Variants in PCDHGB1 observed in about 807,000 individuals in gnomAD.
PCDHGB1 encodes protocadherin gamma-B1.
PCDHGB1 carries 34 observed loss-of-function variants against 56.6 expected under a neutral mutation model. The ratio of observed to expected loss-of-function variants is 0.60; its 90% CI spans 0.46 to 0.80. PCDHGB1 has a LOEUF of 0.80. Ranked by LOEUF, PCDHGB1 falls within the 30% of genes least tolerant of loss-of-function variation. The pLI, the probability that PCDHGB1 is intolerant of heterozygous loss-of-function variation, is 0.00. For missense variants in PCDHGB1, 1,278 were observed against 1,204.6 expected (o/e 1.06, Z -0.90); for synonymous variants, 561 against 505.9 (o/e 1.11, Z -1.46).
chr5:141,358,895 T>C (rs1761048848), intron 1 of PCDHGB1, among the ~76,000 whole-genome samples: 1 of 152,230 alleles, frequency 6.6e-6, no homozygotes, highest in Non-Finnish European at 1.5e-5. Flanking sequence ...GATTATTTTA[T>C]ATGAGGGAAA....
intron 1 of PCDHGB1, chr5:141,423,483 A>G (rs767321755): frequency 1.9e-6 from 3 of 1,613,974 alleles, no homozygotes; most frequent in Middle Eastern, 3.3e-4. Flanking sequence ...CTTTCCTGCA[A>G]ACCTATTCCC....
Position 141,433,359 on chromosome 5 carries a change from CTAT to C in PCDHGB1, c.2410-61447_2410-61445del, listed in dbSNP as rs2097588942. 4 of 228,708 alleles carry C rather than the reference CTAT, an allele frequency of 1.7e-5. No homozygotes were observed. In the African/African-American group the frequency reaches 3.4e-4, roughly 19 times the overall value. The allele number at this position is 228,708 out of a possible 1,614,324, so 14.2% of individuals were successfully genotyped here. ...CAGGTGCAAGCCACCTACTGTCTGC[CTAT>C]CTATCTATCTATCTATCTATCTATC... On this transcript the variant is annotated intron_variant, in intron 1 of 3. Coordinates refer to ENST00000523390, the MANE Select transcript of PCDHGB1 (RefSeq NM_018922.3).
In PCDHGB1 at chr5:141,432,716, C is replaced by G. The variant is rs1417017747; in HGVS notation, c.2410-62091C>G. ...GGCCGTCCAGGACCACGGCCAGCCC[C>G]CTCTCTCCGCCACTGTCACGCTCAC... On this transcript the variant is annotated intron_variant, in intron 1 of 3. Coordinates refer to ENST00000523390, the MANE Select transcript of PCDHGB1 (RefSeq NM_018922.3). This position sits in a 1 kb window ranked among gnomAD's most constrained non-coding sequence, Gnocchi z 6.0. 5.6e-6 allele frequency: 9 copies of G among 1,613,912 alleles called. No individual in the cohort carries two copies. Among genetic ancestry groups the G allele is most frequent in the Non-Finnish European group, 7.6e-6 (9 of 1,179,990 alleles).
Position 141,491,402 on chromosome 5 carries a change from C to T in PCDHGB1, c.2410-3405C>T. 1 of 1,614,156 alleles carries T rather than the reference C, an allele frequency of 6.2e-7. No individual in the cohort carries two copies. Among genetic ancestry groups the T allele is most frequent in the Non-Finnish European group, 8.5e-7 (1 of 1,180,022 alleles). ...TCAGCGAAGTGCCTTCAGGGAAACG[C>T]AGACGGGGACGGGGGTGGAGGGCAG... On this transcript the variant is annotated intron_variant, in intron 1 of 3. Transcript: ENST00000523390. The surrounding 1 kb of genome is among the most constrained non-coding windows in gnomAD (Gnocchi z 6.9).
intron 1 of PCDHGB1, among the ~76,000 whole-genome samples, chr5:141,387,076 G>T (rs531327789): frequency 2.8e-4 from 42 of 152,310 alleles, no homozygotes; most frequent in African/African-American, 9.4e-4. Flanking sequence ...GTAGGCTACT[G>T]CCTGTGATCA....
chr5:141,377,529 G>A (rs1774089651), intron 1 of PCDHGB1: 1 of 151,890 alleles, frequency 6.6e-6, no homozygotes, highest in African/African-American at 2.4e-5. Flanking sequence ...CCAGGGGTAT[G>A]AGGCTGCAGT....
intron 2 of PCDHGB1, among the ~76,000 whole-genome samples, chr5:141,496,103 C>T (rs779317844): frequency 2.0e-5 from 3 of 152,218 alleles, no homozygotes; most frequent in South Asian, 2.1e-4. Flanking sequence ...ACCAACACCC[C>T]GCTCTCTTCC....
intron 1 of PCDHGB1, chr5:141,399,413 C>A (rs1456440098): frequency 1.2e-6 from 2 of 1,613,930 alleles, no homozygotes; most frequent in African/African-American, 1.3e-5. Context: ...CCGCCCCTCT[C>A]CTCCAGCATA....
chr5:141,431,607 A>G lies in PCDHGB1; in HGVS notation c.2410-63200A>G. ...GCGGAAGTGAGGTATTCCTTCCGGT[A>G]TGTGGACGACAAGGCGGCCCAAGTT... is the stretch of plus-strand genomic sequence containing the variant. On this transcript the variant is annotated intron_variant, in intron 1 of 3. Transcript: ENST00000523390. The surrounding 1 kb of genome is among the most constrained non-coding windows in gnomAD (Gnocchi z 4.8). 6.2e-7 allele frequency: 1 copy of G among 1,614,230 alleles called. No individual in the cohort carries two copies. Among genetic ancestry groups the G allele is most frequent in the Non-Finnish European group, 8.5e-7 (1 of 1,180,040 alleles).
At chr5:141,358,301 A>G (rs1561516430) in intron 1 of PCDHGB1, among the ~76,000 whole-genome samples, 2 of 152,228 alleles carry the variant, frequency 1.3e-5, no homozygotes, top group South Asian at 2.1e-4. Flanking sequence ...GTAAATTCAC[A>G]TTTACAATAT....
chr5:141,407,869 A>T lies in PCDHGB1; in HGVS notation c.2409+55200A>T, dbSNP rs1031666668. ...GGATGTACACCTGCATTTTCGAAGA[A>T]TATATACATTTCGGAGACCGAATTC... On this transcript the variant is annotated intron_variant, in intron 1 of 3. Coordinates refer to ENST00000523390, the MANE Select transcript of PCDHGB1 (RefSeq NM_018922.3). Among the ~76,000 whole-genome samples, 20 of 152,262 alleles carry T rather than the reference A, an allele frequency of 1.3e-4. No homozygotes were observed. The East Asian group carries it at 1.5e-3, about 12-fold the overall frequency.
chr5:141,360,321 A>C lies in PCDHGB1; in HGVS notation c.2409+7652A>C, dbSNP rs777240773. 6 of 1,614,004 alleles carry C rather than the reference A, an allele frequency of 3.7e-6. No individual in the cohort carries two copies. In the Admixed American group the frequency reaches 8.3e-5, roughly 22 times the overall value. On this transcript the variant is annotated intron_variant, in intron 1 of 3. Coordinates refer to ENST00000523390, the MANE Select transcript of PCDHGB1 (RefSeq NM_018922.3). ...TGGGGCTCAGCGTCCGGGACTTGCC[A>C]GCCCGGAAGCTGCGGGTTAGCGCGG...
intron 2 of PCDHGB1, among the ~76,000 whole-genome samples, chr5:141,502,944 A>G (rs1447378539): frequency 1.4e-5 from 2 of 145,406 alleles, no homozygotes; most frequent in Non-Finnish European, 1.5e-5. Context: ...CCTGGGTTCA[A>G]GCGATTCTCC....
At chr5:141,418,549 C>A in intron 1 of PCDHGB1, 1 of 1,614,024 alleles carries the variant, frequency 6.2e-7, no homozygotes, top group Non-Finnish European at 8.5e-7. Context: ...AGATAAGAAT[C>A]CTGGTAATAG....
intron 1 of PCDHGB1, chr5:141,478,305 C>T (rs775282798): frequency 2.5e-6 from 4 of 1,614,092 alleles, no homozygotes; most frequent in East Asian, 2.2e-5. Flanking sequence ...TACCGAGCCC[C>T]GGTGAGCTCA....
At chr5:141,412,441 G>A (rs1334085357) in intron 1 of PCDHGB1, 2 of 152,124 alleles carry the variant, frequency 1.3e-5, no homozygotes, top group Non-Finnish European at 2.9e-5. Context: ...GTTAATTAAG[G>A]CTCAGTAAAA....
At chr5:141,504,147 T>C (rs2099836026) in intron 2 of PCDHGB1, among the ~76,000 whole-genome samples, 1 of 152,198 alleles carries the variant, frequency 6.6e-6, no homozygotes, top group South Asian at 2.1e-4. Flanking sequence ...CCCCTGCAAA[T>C]TGAAATAATT....
Position 141,487,390 on chromosome 5 carries a change from G to A in PCDHGB1, c.2410-7417G>A, listed in dbSNP as rs769886634. On this transcript the variant is annotated intron_variant, in intron 1 of 3. Coordinates refer to ENST00000523390, the MANE Select transcript of PCDHGB1 (RefSeq NM_018922.3). The surrounding 1 kb of genome is among the most constrained non-coding windows in gnomAD (Gnocchi z 5.0). The stretch of plus-strand genomic sequence containing the variant: ...GTGCCTGTCTCACCAGATCTCGAAG[G>A]AGGGAGGGGCTTCCCCCTTCCAATG... 1.2e-6 allele frequency: 2 copies of A among 1,614,182 alleles called. No homozygotes were observed. The highest frequency in any genetic ancestry group is 1.3e-5 in the African/African-American group (1 of 75,070).
At position 141,511,424 on chromosome 5, in the gene PCDHGB1, G is replaced by A. The variant is rs939906846; in HGVS notation, c.*251G>A. 10 of 810,392 alleles carry A rather than the reference G, an allele frequency of 1.2e-5. No homozygotes were observed. Among genetic ancestry groups the A allele is most frequent in the East Asian group, 3.0e-5 (1 of 33,800 alleles). The allele number at this position is 810,392 out of a possible 1,614,324, so 50.2% of individuals were successfully genotyped here. On this transcript the variant is annotated 3_prime_UTR_variant, in exon 4 of 4. Transcript: ENST00000523390. The stretch of plus-strand genomic sequence containing the variant: ...ATCAACTGCTGTACCCATGGGGGTA[G>A]TGGGGTTACTGTAGACACCAAGAAC...
Sources: allele counts gnomAD v4.1 joint callset (sites outside exome capture counted in the v4.1 genomes callset), GRCh38; gene constraint gnomAD v4.1.1; non-coding constraint Gnocchi (gnomAD v3.1); transcripts MANE v1.5; gene names NCBI Gene and HGNC (gene_info 2026-07-23, HGNC 2026-07-21).